CCDC171: variants seen among roughly 807,000 people sequenced by gnomAD.
CCDC171 encodes the protein coiled-coil domain containing 171.
Under a neutral mutation model 168.2 loss-of-function variants are expected in CCDC171, and 177 were observed. That is an observed-to-expected ratio of 1.05 (90% CI 0.93 to 1.19). The LOEUF (loss-of-function observed/expected upper bound fraction) is 1.19, where lower values mean the gene tolerates loss of function less well. Among genes scored for constraint, CCDC171 ranks in the 50% most tolerant of loss-of-function variants. CCDC171 has a pLI of 0.00. For synonymous variants in CCDC171, 687 were observed against 540.8 expected, an observed-to-expected ratio of 1.27 and a Z score of -3.75; for missense variants, 1,991 against 1,539.0, an observed-to-expected ratio of 1.29 and a Z score of -4.91.
intron 2 of CCDC171, among the ~76,000 whole-genome samples, chr9:15,569,770 G>A (rs1198171755): frequency 1.3e-5 from 2 of 150,720 alleles, no homozygotes; most frequent in East Asian, 2.0e-4. Context: ...AGCCGAGATC[G>A]TGCCACTGCA....
intron 24 of CCDC171, among the ~76,000 whole-genome samples, chr9:15,917,596 T>G (rs1442607279): frequency 6.6e-6 from 1 of 151,730 alleles, no homozygotes; most frequent in Non-Finnish European, 1.5e-5. Flanking sequence ...TTTCTGACAT[T>G]ACTTCTCAAA....
chr9:16,094,929 C>T, the CCDC171 span, among the ~76,000 whole-genome samples: 2 of 152,124 alleles, frequency 1.3e-5, no homozygotes, highest in Non-Finnish European at 2.9e-5. Flanking sequence ...CCGTTGCTGT[C>T]TCATGAGGGT....
intron 25 of CCDC171, among the ~76,000 whole-genome samples, chr9:15,958,649 G>A (rs1358859363): frequency 6.6e-6 from 1 of 151,710 alleles, no homozygotes; most frequent in Non-Finnish European, 1.5e-5. Flanking sequence ...ACGTGATGAA[G>A]AAGCCTCCTT....
At chr9:15,922,005 C>T (rs911591887) in intron 25 of CCDC171, 2 of 160,784 alleles carry the variant, frequency 1.2e-5, no homozygotes, top group Non-Finnish European at 2.8e-5. Flanking sequence ...AAATTTTTAC[C>T]AATTGTTACG....
At chr9:16,061,100 G>A (rs1342807984) in exon 2 of CCDC171, 1 of 152,216 alleles carries the variant, frequency 6.6e-6, no homozygotes, top group Non-Finnish European at 1.5e-5. Flanking sequence ...ACTATGAGAT[G>A]GGAGCCTGGG....
At chr9:15,931,322 C>A (rs1268697539) in intron 25 of CCDC171, among the ~76,000 whole-genome samples, 1 of 151,716 alleles carries the variant, frequency 6.6e-6, no homozygotes, top group Admixed American at 6.6e-5. Context: ...TTTTGATTTG[C>A]ATTTCCCTGA....
chr9:15,691,349 C>G (rs1347423102), intron 10 of CCDC171, among the ~76,000 whole-genome samples: 2 of 150,956 alleles, frequency 1.3e-5, no homozygotes, highest in African/African-American at 4.9e-5. Context: ...TTTTATGATC[C>G]TATTTGAATT....
chr9:16,051,385 C>A (rs546739601), intron 1 of CCDC171, among the ~76,000 whole-genome samples: 85 of 152,186 alleles, frequency 5.6e-4, no homozygotes, highest in African/African-American at 2.0e-3. Flanking sequence ...GGGAGGAGTC[C>A]CAGGCTATCC....
At chr9:15,623,139 G>A (rs77737830) in intron 6 of CCDC171, 128 bp from the exon 7 acceptor site, 20,207 of 540,024 alleles carry the variant, frequency 0.037, 465 homozygotes, top group Middle Eastern at 0.068. Flanking sequence ...GGCCTCTTTT[G>A]CCTATATAAA....
At chr9:16,036,644 A>G (rs1833475326) in intron 8 of CCDC171, among the ~76,000 whole-genome samples, 1 of 152,240 alleles carries the variant, frequency 6.6e-6, no homozygotes, top group African/African-American at 2.4e-5. Context: ...ACTCCGTCTC[A>G]AAACAAACAA....
chr9:15,711,425 T>G (rs1234299109), intron 11 of CCDC171, among the ~76,000 whole-genome samples: 4 of 152,190 alleles, frequency 2.6e-5, no homozygotes, highest in Admixed American at 2.0e-4. Flanking sequence ...ACTATCATAT[T>G]TGTTATGATA....
At chr9:15,770,704 G>C (rs970700024) in intron 18 of CCDC171, among the ~76,000 whole-genome samples, 1 of 152,136 alleles carries the variant, frequency 6.6e-6, no homozygotes, top group South Asian at 2.1e-4. Context: ...TCTATAGCTA[G>C]CTGTTTAATG....
At chr9:15,919,678 G>A (rs939194753) in intron 24 of CCDC171, among the ~76,000 whole-genome samples, 2 of 151,480 alleles carry the variant, frequency 1.3e-5, no homozygotes, top group African/African-American at 4.8e-5. Flanking sequence ...GAGATAATAG[G>A]TTACCAGAAC....
At chr9:16,076,883 G>A in the CCDC171 span, among the ~76,000 whole-genome samples, 31 of 152,154 alleles carry the variant, frequency 2.0e-4, no homozygotes, top group African/African-American at 6.8e-4. Flanking sequence ...GACATTTCTC[G>A]TTCTTTTTCT....
At chr9:16,004,390 C>T (rs927652703) in intron 3 of CCDC171, among the ~76,000 whole-genome samples, 1 of 152,162 alleles carries the variant, frequency 6.6e-6, no homozygotes, top group Non-Finnish European at 1.5e-5. Flanking sequence ...CTGGAAAATT[C>T]AGTCCAGTAA....
intron 4 of CCDC171, among the ~76,000 whole-genome samples, chr9:15,586,947 A>G (rs550017351): frequency 1.3e-5 from 2 of 152,264 alleles, no homozygotes; most frequent in African/African-American, 4.8e-5. Flanking sequence ...AGTTAGGACT[A>G]TAGGTGTATG....
At chr9:15,729,548 G>A (rs1457348844) in intron 15 of CCDC171, 62 bp from the exon 16 acceptor site, 1 of 1,032,282 alleles carries the variant, frequency 9.7e-7, no homozygotes, top group Admixed American at 2.3e-5. Context: ...TTTATTGGGG[G>A]AGATGACACA....
At position 15,558,288 on chromosome 9, in the gene CCDC171, T is replaced by A. The variant is rs185122974; in HGVS notation, c.-112+4986T>A. 5.5e-3 allele frequency among the ~76,000 whole-genome samples: 840 copies of A among 152,290 alleles called. 10 individuals carry two copies. The highest frequency in any genetic ancestry group is 8.7e-3 in the Non-Finnish European group (591 of 67,996). ...GGGAGGATTCCCTCTTTTTCTATTG[T>A]TTGGAATAGTTTCAGAAGGAATGGT... On this transcript the variant is annotated intron_variant, in intron 1 of 25. Transcript: ENST00000380701.
chr9:15,619,452 C>G (rs1440297557), intron 6 of CCDC171, among the ~76,000 whole-genome samples: 2 of 152,160 alleles, frequency 1.3e-5, no homozygotes, highest in Non-Finnish European at 2.9e-5. Flanking sequence ...TAGATCAAAC[C>G]AGCCACAGCA....
Sources: gnomAD v4.1 joint callset for allele counts (sites outside exome capture counted in the v4.1 genomes callset) on GRCh38, gnomAD v4.1.1 for gene constraint, MANE v1.5 for transcripts, NCBI Gene and HGNC (gene_info 2026-07-23, HGNC 2026-07-21) for gene names.